Variants in POLR3B observed in about 807,000 individuals in gnomAD.
POLR3B encodes RNA polymerase III subunit B, also known as DNA-directed RNA polymerase III subunit RPC2.
POLR3B carries 96 observed loss-of-function variants against 147.4 expected under a neutral mutation model. That is an observed-to-expected ratio of 0.65 (90% confidence interval 0.55 to 0.77). The LOEUF is 0.77. Ranked by LOEUF, POLR3B falls within the 30% of genes least tolerant of loss-of-function variation. The pLI, the probability that POLR3B is intolerant of heterozygous loss-of-function variation, is 0.00. For missense variants in POLR3B, 1,036 were observed against 1,413.5 expected (o/e 0.73, Z 4.28); for synonymous variants, 461 against 485.9 (o/e 0.95, Z 0.67).
intron 12 of POLR3B, among the ~76,000 whole-genome samples, chr12:106,413,763 C>CT (rs1016705391): frequency 6.6e-6 from 1 of 151,914 alleles, no homozygotes; most frequent in Non-Finnish European, 1.5e-5. Context: ...CCTATTCTCC[C>CT]TTTTTTCTGT....
At chr12:106,399,060 A>G (rs1593018769) in intron 10 of POLR3B, among the ~76,000 whole-genome samples, 1 of 152,164 alleles carries the variant, frequency 6.6e-6, no homozygotes, top group Admixed American at 6.5e-5. Context: ...GTTCGAACCA[A>G]TGGCAAAGAA....
rs1290598485 is a variant in POLR3B at position 106,437,090 on chromosome 12, A to G, written c.1815A>G (p.Ala605=). The G allele has an allele frequency of 6.2e-7, 1 of 1,613,524 alleles. No individual in the cohort carries two copies. The highest frequency in any genetic ancestry group is 8.5e-7 in the Non-Finnish European group (1 of 1,179,842). The change falls in exon 17 of 28, where the codon GCA becomes GCG. Residue 605 remains alanine, a synonymous_variant. Transcript: ENST00000228347. ...PYIIVKKQKP[A]VTNKHMEELA... The stretch of plus-strand genomic sequence containing the variant: ...TAATTGTCAAGAAACAGAAGCCAGC[A>G]GTCACAAATAAACATATGGAAGAGC...
At chr12:106,488,145 T>G (rs116065613) in intron 23 of POLR3B, among the ~76,000 whole-genome samples, 1 of 152,232 alleles carries the variant, frequency 6.6e-6, no homozygotes, top group Non-Finnish European at 1.5e-5. Context: ...TCACTCACAG[T>G]GTACTTTTTA....
At chr12:106,408,136 T>A (rs1233398640) in intron 11 of POLR3B, among the ~76,000 whole-genome samples, 1 of 152,204 alleles carries the variant, frequency 6.6e-6, no homozygotes, top group Non-Finnish European at 1.5e-5. Flanking sequence ...GGATGAAGCT[T>A]AGCTTAAAAT....
chr12:106,502,605 C>T lies in POLR3B; in HGVS notation c.3098+1169C>T, dbSNP rs995725024. Among the ~76,000 whole-genome samples, 5 of 152,140 alleles carry T rather than the reference C, an allele frequency of 3.3e-5. No homozygotes were observed. In the South Asian group the frequency reaches 8.3e-4, roughly 25 times the overall value. ...AGGGGCAAGGATGAGGCAGCTCATGCTTGGGGTTTCATTTTTTTTTTAAGC... is the reference window on the plus strand; with the variant it reads ...AGGGGCAAGGATGAGGCAGCTCATGTTTGGGGTTTCATTTTTTTTTTAAGC... On this transcript the variant is annotated intron_variant, in intron 26 of 27. Coordinates refer to ENST00000228347, the MANE Select transcript of POLR3B (RefSeq NM_018082.6).
intron 25 of POLR3B, among the ~76,000 whole-genome samples, chr12:106,497,958 G>A (rs183954642): frequency 1.7e-4 from 26 of 152,314 alleles, no homozygotes; most frequent in African/African-American, 6.3e-4. Context: ...TAACCTCCAT[G>A]AAAGCAGGGC....
chr12:106,418,968 C>T (rs567722472), intron 12 of POLR3B, among the ~76,000 whole-genome samples: 2 of 152,264 alleles, frequency 1.3e-5, no homozygotes, highest in South Asian at 4.1e-4. Context: ...ATAAATTCAG[C>T]TGGGATCCAA....
chr12:106,373,174 C>T lies in POLR3B; in HGVS notation c.405-3185C>T, dbSNP rs547785695. Among the ~76,000 whole-genome samples, 7 of 152,304 alleles carry T rather than the reference C, an allele frequency of 4.6e-5. No homozygotes were observed. The East Asian group carries it at 1.3e-3, about 29-fold the overall frequency. On this transcript the variant is annotated intron_variant, in intron 6 of 27. Coordinates refer to ENST00000228347, the MANE Select transcript of POLR3B (RefSeq NM_018082.6). ...TTTGATTTGTTTGTTCTATCAATTA[C>T]TACAATAGGTATGTTAAAATCTCCC...
chr12:106,402,470 C>T (rs139118419), intron 10 of POLR3B, among the ~76,000 whole-genome samples: 36,377 of 152,046 alleles, frequency 0.24, 5,944 homozygotes, highest in East Asian at 0.71. Flanking sequence ...CTTTAAAGTT[C>T]ATATGGAACC....
chr12:106,389,183 G>T lies in POLR3B; in HGVS notation c.724-3848G>T, dbSNP rs373566848. On this transcript the variant is annotated intron_variant, in intron 9 of 27. Transcript: ENST00000228347. ...AGCAATATGTCATTTATTTGTAGCT[G>T]TGACTACTGAAGGCTAAATAGTCAT... Among the ~76,000 whole-genome samples, 5 of 152,198 alleles carry T rather than the reference G, an allele frequency of 3.3e-5. No homozygotes were observed. The East Asian group carries it at 9.6e-4, about 29-fold the overall frequency.
intron 12 of POLR3B, among the ~76,000 whole-genome samples, chr12:106,421,366 A>C (rs1565891193): frequency 1.3e-5 from 2 of 152,186 alleles, no homozygotes; most frequent in South Asian, 2.1e-4. Context: ...AGAATGTCAC[A>C]CTAGTTTGCC....
intron 12 of POLR3B, among the ~76,000 whole-genome samples, chr12:106,423,943 G>A (rs1247110060): frequency 1.3e-5 from 2 of 150,996 alleles, no homozygotes; most frequent in Admixed American, 6.6e-5. Context: ...TGCAGCCTCC[G>A]CCTCCCGGGT....
In POLR3B at chr12:106,358,061, G is replaced by A. The variant is rs2036413064; in HGVS notation, c.72+110G>A. On this transcript the variant is annotated intron_variant, in intron 1 of 27. Transcript: ENST00000228347. ...GCGGGCTGGCGGTTTGTGCGCATGCGCCGGGCTTCTGCGCATGCCCAGAGC... is the reference window on the plus strand; with the variant it reads ...GCGGGCTGGCGGTTTGTGCGCATGCACCGGGCTTCTGCGCATGCCCAGAGC... 8 of 1,551,362 alleles carry A rather than the reference G, an allele frequency of 5.2e-6. No individual in the cohort carries two copies. The South Asian group carries it at 7.0e-5, about 14-fold the overall frequency.
At chr12:106,464,558 G>A (rs1264993597) in intron 23 of POLR3B, among the ~76,000 whole-genome samples, 1 of 152,060 alleles carries the variant, frequency 6.6e-6, no homozygotes, top group Non-Finnish European at 1.5e-5. Flanking sequence ...TAATTACTAG[G>A]CCACACTGAC....
intron 7 of POLR3B, among the ~76,000 whole-genome samples, chr12:106,377,205 G>A (rs1339826032): frequency 6.6e-6 from 1 of 151,996 alleles, no homozygotes; most frequent in Non-Finnish European, 1.5e-5. Context: ...CTATTTCTAG[G>A]CAATTTCTTT....
At chr12:106,477,890 C>CTTTT (rs1449168548) in intron 23 of POLR3B, among the ~76,000 whole-genome samples, 2 of 72,228 alleles carry the variant, frequency 2.8e-5, no homozygotes, top group Non-Finnish European at 2.7e-5. Context: ...TGGCTCCTCC[C>CTTTT]CTTTTTTTTT....
intron 23 of POLR3B, among the ~76,000 whole-genome samples, chr12:106,471,339 G>A (rs186624172): frequency 3.5e-4 from 53 of 152,268 alleles, no homozygotes; most frequent in African/African-American, 9.6e-4. Flanking sequence ...TATTTGGGCA[G>A]GAGTGTACCT....
chr12:106,479,796 C>CTTCTTTTCTTTTCTTGTCTTTTCTT (rs2038239817), intron 23 of POLR3B, among the ~76,000 whole-genome samples: 1 of 133,916 alleles, frequency 7.5e-6, no homozygotes. Context: ...TCTTTCCTTC[C>CTTCTTTTCTTTTCTTGTCTTTTCTT]TTCTTTTCTT....
intron 8 of POLR3B, 54 bp from the exon 9 acceptor site, chr12:106,379,977 A>C (rs2036736880): frequency 1.0e-6 from 1 of 962,800 alleles, no homozygotes. Context: ...ATTGCATGTT[A>C]CTAGCTTGAA....
Sources: allele counts gnomAD v4.1 joint callset (sites outside exome capture counted in the v4.1 genomes callset), GRCh38; gene constraint gnomAD v4.1.1; transcripts MANE v1.5; gene names NCBI Gene and HGNC (gene_info 2026-07-23, HGNC 2026-07-21).